IFT27: variants seen among roughly 807,000 people sequenced by gnomAD.
IFT27 encodes the protein intraflagellar transport 27, also known as intraflagellar transport protein 27 homolog.
A neutral mutation model predicts 23.9 loss-of-function variants in IFT27; 19 were observed. That is an observed-to-expected ratio of 0.79 (90% confidence interval 0.55 to 1.16). The LOEUF is 1.16. IFT27 is among the 50% of genes most tolerant of loss of function. The pLI is 0.00. For missense variants in IFT27, 206 were observed against 228.7 expected (o/e 0.90, Z 0.64); for synonymous variants, 91 against 89.1 (o/e 1.02, Z -0.12).
chr22:36,759,918 G>C (rs1037334524), intron 6 of IFT27: 1 of 152,218 alleles, frequency 6.6e-6, no homozygotes, highest in Non-Finnish European at 1.5e-5. Context: ...AAGGAAACCA[G>C]GTCCCGTGGA....
intron 1 of IFT27, 99 bp from the exon 2 acceptor site, chr22:36,767,961 G>T (rs565374591): frequency 9.4e-7 from 1 of 1,069,138 alleles, no homozygotes; most frequent in African/African-American, 1.6e-5. Context: ...AAACTTCAAT[G>T]AGTTTTGAGA....
At chr22:36,768,193 C>T (rs1938303799) in intron 1 of IFT27, 1 of 446,142 alleles carries the variant, frequency 2.2e-6, no homozygotes, top group Non-Finnish European at 4.5e-6. Flanking sequence ...TGGGGAAAAG[C>T]TGTCACTTCC....
At chr22:36,775,309 G>A (rs1938476091) in intron 1 of IFT27, among the ~76,000 whole-genome samples, 1 of 152,116 alleles carries the variant, frequency 6.6e-6, no homozygotes, top group South Asian at 2.1e-4. Context: ...CTAACTTTGG[G>A]GTACAGTATA....
At chr22:36,766,472 C>T (rs1488632818) in intron 3 of IFT27, 6 of 457,866 alleles carry the variant, frequency 1.3e-5, no homozygotes, top group African/African-American at 3.9e-5. Flanking sequence ...GCAAAAATAC[C>T]AGGAACAAGC....
chr22:36,775,821 G>T lies in IFT27; in HGVS notation c.-114C>A, dbSNP rs1204486928. 8 of 1,049,112 alleles carry T rather than the reference G, an allele frequency of 7.6e-6. No individual in the cohort carries two copies. In the East Asian group the frequency reaches 1.7e-4, roughly 23 times the overall value. The allele number at this position is 1,049,112 out of a possible 1,614,324, so 65.0% of individuals were successfully genotyped here. ...TGGGACGGGAAGGTGGGGAGGGGAGGGCTGATCTCAAGGGTCAGTGGCCGC... is the reference window on the plus strand; with the variant it reads ...TGGGACGGGAAGGTGGGGAGGGGAGTGCTGATCTCAAGGGTCAGTGGCCGC... On this transcript the variant is annotated 5_prime_UTR_variant, in exon 1 of 7. Coordinates refer to ENST00000433985, the MANE Select transcript of IFT27 (RefSeq NM_001177701.3).
chr22:36,771,017 C>T (rs1382899290), intron 1 of IFT27, among the ~76,000 whole-genome samples: 1 of 152,178 alleles, frequency 6.6e-6, no homozygotes, highest in Non-Finnish European at 1.5e-5. Flanking sequence ...TGGCCTGCAC[C>T]CCAGCAGCAC....
intron 6 of IFT27, chr22:36,758,832 TC>T: frequency 5.7e-6 from 1 of 174,964 alleles, no homozygotes; most frequent in Non-Finnish European, 1.2e-5. Context: ...TGGGGCACCC[TC>T]TTCCTAGGCT....
At chr22:36,762,613 A>G (rs1360706579) in intron 6 of IFT27, 1 of 257,120 alleles carries the variant, frequency 3.9e-6, no homozygotes, top group Admixed American at 5.5e-5. Flanking sequence ...TGAACCCAGA[A>G]TATTGCATGC....
intron 4 of IFT27, among the ~76,000 whole-genome samples, chr22:36,764,336 A>G (rs1938186230): frequency 6.6e-6 from 1 of 152,258 alleles, no homozygotes; most frequent in Admixed American, 6.5e-5. Context: ...GAGTGTCTGA[A>G]TATTTCCACT....
chr22:36,768,332 G>T (rs181695479), intron 1 of IFT27: 364 of 341,040 alleles, frequency 1.1e-3, no homozygotes, highest in Non-Finnish European at 1.7e-3. Context: ...TGTGGGGCGT[G>T]GGGGGTGGAA....
At chr22:36,767,474 G>A in intron 2 of IFT27, 109 bp from the exon 3 acceptor site, 1 of 949,300 alleles carries the variant, frequency 1.1e-6, no homozygotes, top group Non-Finnish European at 1.6e-6. Flanking sequence ...CCAGTGGAAG[G>A]GTTTGTTCTG....
At chr22:36,763,876 G>A (rs1311411795) in intron 5 of IFT27, 43 bp downstream of exon 5, 2 of 1,386,778 alleles carry the variant, frequency 1.4e-6, no homozygotes, top group East Asian at 4.6e-5. Context: ...TGAACCAAAG[G>A]ACAGAGATGC....
Position 36,767,774 on chromosome 22 carries a change from C to A in IFT27, c.114+9G>T, listed in dbSNP as rs750062163. 2 of 1,612,628 alleles carry A rather than the reference C, an allele frequency of 1.2e-6. No homozygotes were observed. Among genetic ancestry groups the A allele is most frequent in the Non-Finnish European group, 1.7e-6 (2 of 1,178,738 alleles). On this transcript the variant is annotated intron_variant, in intron 2 of 6. Transcript: ENST00000433985. ...TAAGCTGTGGCCAGGTCTTGACACC[C>A]CAGCTCACCAGGGTGTAGCTTTTCT... is the stretch of plus-strand genomic sequence containing the variant.
chr22:36,775,792 G>T lies in IFT27; in HGVS notation c.-85C>A. The T allele has an allele frequency of 7.2e-7, 1 of 1,383,422 alleles. No individual in the cohort carries two copies. The highest frequency in any genetic ancestry group is 1.0e-6 in the Non-Finnish European group (1 of 971,124). 85.7% of individuals were successfully genotyped at this position (1,383,422 alleles called of 1,614,324 possible). ...GTGGGTGGGCTTCGGGCCCTGGGCT[G>T]GCCTGGGACGGGAAGGTGGGGAGGG... On this transcript the variant is annotated 5_prime_UTR_variant, in exon 1 of 7. Transcript: ENST00000433985.
At chr22:36,775,450 G>GT (rs1401462592) in intron 1 of IFT27, among the ~76,000 whole-genome samples, 2 of 152,190 alleles carry the variant, frequency 1.3e-5, no homozygotes, top group Non-Finnish European at 2.9e-5. Flanking sequence ...TGGTCTCAGA[G>GT]TATGTGACAG....
intron 5 of IFT27, 57 bp downstream of exon 5, chr22:36,763,862 C>T (rs1177205326): frequency 2.4e-6 from 3 of 1,252,916 alleles, no homozygotes; most frequent in Non-Finnish European, 3.5e-6. Context: ...TGCCCTTGTG[C>T]TCTTGAACCA....
Position 36,758,325 on chromosome 22 carries a change from G to C in IFT27, c.547C>G (p.Arg183Gly). 6.2e-7 allele frequency: 1 copy of C among 1,614,046 alleles called. No individual in the cohort carries two copies. The highest frequency in any genetic ancestry group is 8.5e-7 in the Non-Finnish European group (1 of 1,179,908). ...QLYREKVEVF[R>G]ALA ...GCTCCAGCTCGTCATGCCAGGGCCCGGAAAACCTCCACCTTCTCCCGGTAC... is the reference window on the plus strand; with the variant it reads ...GCTCCAGCTCGTCATGCCAGGGCCCCGAAAACCTCCACCTTCTCCCGGTAC... The change falls in exon 7 of 7, where the codon CGG (arginine) becomes GGG (glycine). Residue 183 changes from arginine to glycine, a missense_variant. Transcript: ENST00000433985.
intron 1 of IFT27, among the ~76,000 whole-genome samples, chr22:36,768,786 T>C (rs1330255597): frequency 2.6e-5 from 4 of 152,200 alleles, no homozygotes; most frequent in Non-Finnish European, 4.4e-5. Flanking sequence ...ATTGTTTCCA[T>C]TTGCAGCCTC....
chr22:36,765,815 T>C (rs1601496525), intron 4 of IFT27, among the ~76,000 whole-genome samples: 1 of 151,814 alleles, frequency 6.6e-6, no homozygotes, highest in East Asian at 1.9e-4. Context: ...TCTTGGGAGG[T>C]AGGGGACACC....
Sources: allele counts gnomAD v4.1 joint callset (sites outside exome capture counted in the v4.1 genomes callset), GRCh38; gene constraint gnomAD v4.1.1; transcripts MANE v1.5; gene names NCBI Gene and HGNC (gene_info 2026-07-23, HGNC 2026-07-21).